GRM3: variants seen among roughly 807,000 people sequenced by gnomAD.
GRM3 encodes the protein glutamate metabotropic receptor 3.
Under a neutral mutation model 70.5 loss-of-function variants are expected in GRM3, and 26 were observed. The ratio of observed to expected loss-of-function variants is 0.37; its 90% CI spans 0.27 to 0.51. The LOEUF is 0.51. Ranked by LOEUF, GRM3 falls within the 20% of genes least tolerant of loss-of-function variation. GRM3 has a pLI of 0.93. For synonymous variants in GRM3, 443 were observed against 434.9 expected, an observed-to-expected ratio of 1.02 and a Z score of -0.23; for missense variants, 859 against 1,123.8, an observed-to-expected ratio of 0.76 and a Z score of 3.37.
chr7:86,767,514 CATATATATATATATATATATATAT>C (rs3057233), intron 2 of GRM3, among the ~76,000 whole-genome samples: 1,484 of 100,132 alleles, frequency 0.015, 42 homozygotes, highest in East Asian at 0.082. Context: ...GGTCATACTT[CATATATATATATATATATATATAT>C]ATATATATAT....
chr7:86,824,065 A>G (rs1798183723), intron 3 of GRM3, among the ~76,000 whole-genome samples: 1 of 152,146 alleles, frequency 6.6e-6, no homozygotes, highest in Admixed American at 6.5e-5. Flanking sequence ...CATGAAGACG[A>G]CCAAGGCCAG....
At chr7:86,748,236 A>ATATT (rs1449399883) in intron 1 of GRM3, among the ~76,000 whole-genome samples, 11 of 151,950 alleles carry the variant, frequency 7.2e-5, no homozygotes, top group Non-Finnish European at 1.5e-4. Flanking sequence ...TGGAATATAT[A>ATATT]TATTTTTTGT....
intron 1 of GRM3, among the ~76,000 whole-genome samples, chr7:86,723,888 A>G (rs1346841353): frequency 6.6e-6 from 1 of 152,162 alleles, no homozygotes; most frequent in Non-Finnish European, 1.5e-5. Context: ...GCTGAAGCAC[A>G]ATGCAAGATT....
chr7:86,856,814 C>G (rs1351331041), intron 5 of GRM3, among the ~76,000 whole-genome samples: 1 of 152,134 alleles, frequency 6.6e-6, no homozygotes, highest in East Asian at 1.9e-4. Context: ...AAATCATTCT[C>G]TCTTTATCTC....
intron 2 of GRM3, among the ~76,000 whole-genome samples, chr7:86,772,229 G>T (rs1038613175): frequency 6.6e-6 from 1 of 152,094 alleles, no homozygotes; most frequent in African/African-American, 2.4e-5. Context: ...CCTATGTACA[G>T]TTGATAAGAA....
chr7:86,664,957 G>A (rs1221155105), intron 1 of GRM3, among the ~76,000 whole-genome samples: 1 of 151,986 alleles, frequency 6.6e-6, no homozygotes, highest in Non-Finnish European at 1.5e-5. Flanking sequence ...TTATAAACAT[G>A]AGCTTTCTTA....
chr7:86,793,268 G>C (rs1363081866), intron 3 of GRM3, among the ~76,000 whole-genome samples: 1 of 152,152 alleles, frequency 6.6e-6, no homozygotes. Flanking sequence ...AGGAAGGGCA[G>C]ATTTTCTGGG....
rs1795995490 is a variant in GRM3 at position 86,741,704 on chromosome 7, A to G, written c.-140-23302A>G. On this transcript the variant is annotated intron_variant, in intron 1 of 5. Coordinates refer to ENST00000361669, the MANE Select transcript of GRM3 (RefSeq NM_000840.3). ...TGGACACCACCCCAGAACTTTTAAT[A>G]AGAATCTCAAGAAATAGGGCCCAAC... 2.0e-5 allele frequency among the ~76,000 whole-genome samples: 3 copies of G among 152,182 alleles called. No homozygotes were observed. In the South Asian group the frequency reaches 6.2e-4, roughly 31 times the overall value.
At chr7:86,688,315 C>A (rs560828055) in intron 1 of GRM3, among the ~76,000 whole-genome samples, 1 of 151,176 alleles carries the variant, frequency 6.6e-6, no homozygotes, top group Admixed American at 6.6e-5. Context: ...AATAAGTCTA[C>A]CATATATTAA....
chr7:86,832,527 A>G (rs1798373980), intron 3 of GRM3, among the ~76,000 whole-genome samples: 1 of 152,122 alleles, frequency 6.6e-6, no homozygotes, highest in Non-Finnish European at 1.5e-5. Context: ...CTGGGATTAC[A>G]GGAGTCAGCC....
At chr7:86,837,055 A>G (rs1298564170) in intron 3 of GRM3, among the ~76,000 whole-genome samples, 3 of 152,188 alleles carry the variant, frequency 2.0e-5, no homozygotes, top group Admixed American at 2.0e-4. Context: ...GGAGGTTGGT[A>G]AAGTCAAATT....
Position 86,810,582 on chromosome 7 carries a change from T to A in GRM3, c.1324+23466T>A, listed in dbSNP as rs1584258794. ...ATAAGTTTAAAACTGTCTTCTTTCT[T>A]GAAGACAATCTTTGCTTAATGGCTT... On this transcript the variant is annotated intron_variant, in intron 3 of 5. Coordinates refer to ENST00000361669, the MANE Select transcript of GRM3 (RefSeq NM_000840.3). 3.3e-5 allele frequency among the ~76,000 whole-genome samples: 5 copies of A among 152,020 alleles called. No homozygotes were observed. In the South Asian group the frequency reaches 1.0e-3, roughly 31 times the overall value.
At chr7:86,718,550 G>A (rs184924040) in intron 1 of GRM3, among the ~76,000 whole-genome samples, 62 of 152,028 alleles carry the variant, frequency 4.1e-4, no homozygotes, top group African/African-American at 1.5e-3. Flanking sequence ...GTTTGCTAGG[G>A]GAGGATAGGG....
chr7:86,661,743 G>T (rs1431094109), intron 1 of GRM3, among the ~76,000 whole-genome samples: 1 of 151,842 alleles, frequency 6.6e-6, no homozygotes, highest in African/African-American at 2.4e-5. Flanking sequence ...TCCTGCCAAT[G>T]TTGTTCTGAA....
intron 2 of GRM3, among the ~76,000 whole-genome samples, chr7:86,772,991 T>C (rs1796785450): frequency 6.6e-6 from 1 of 152,094 alleles, no homozygotes; most frequent in South Asian, 2.1e-4. Flanking sequence ...TGAGTTTTTT[T>C]TTTACGATTT....
At chr7:86,788,758 G>A (rs1190663434) in intron 3 of GRM3, among the ~76,000 whole-genome samples, 5 of 152,138 alleles carry the variant, frequency 3.3e-5, no homozygotes, top group Non-Finnish European at 5.9e-5. Flanking sequence ...TCTTAAAGAT[G>A]AATAAGAATT....
intron 4 of GRM3, among the ~76,000 whole-genome samples, chr7:86,844,159 C>T (rs1798611067): frequency 6.6e-6 from 1 of 152,068 alleles, no homozygotes; most frequent in Non-Finnish European, 1.5e-5. Flanking sequence ...CAAAGAAATT[C>T]CTATTTTCCC....
chr7:86,843,210 AT>A (rs1340167513), intron 4 of GRM3, among the ~76,000 whole-genome samples: 1 of 152,192 alleles, frequency 6.6e-6, no homozygotes, highest in African/African-American at 2.4e-5. Flanking sequence ...ACTTATCTTC[AT>A]TTTGATAAAA....
intron 2 of GRM3, chr7:86,784,321 T>A (rs980632503): frequency 6.6e-6 from 1 of 152,144 alleles, no homozygotes; most frequent in African/African-American, 2.4e-5. Flanking sequence ...GAAAATAATG[T>A]CCAGATATTT....
Sources: gnomAD v4.1 joint callset for allele counts (sites outside exome capture counted in the v4.1 genomes callset) on GRCh38, gnomAD v4.1.1 for gene constraint, MANE v1.5 for transcripts, NCBI Gene and HGNC (gene_info 2026-07-23, HGNC 2026-07-21) for gene names.